Variants in CD96 observed in about 807,000 individuals in gnomAD.
CD96 encodes the protein CD96 molecule, also known as T-cell surface protein tactile.
In CD96, 70 loss-of-function variants were observed where a neutral mutation model predicts 71.3. The ratio of observed to expected loss-of-function variants is 0.98; its 90% CI spans 0.81 to 1.20. The LOEUF is 1.20. CD96 is among the 50% of genes most tolerant of loss of function. The pLI, the probability that CD96 is intolerant of heterozygous loss-of-function variation, is 0.00. For synonymous variants in CD96, 248 were observed against 233.0 expected (o/e 1.06, Z -0.59); for missense variants, 742 against 677.5 (o/e 1.10, Z -1.06).
intron 3 of CD96, among the ~76,000 whole-genome samples, chr3:111,568,973 G>T (rs1359838025): frequency 1.3e-5 from 2 of 152,144 alleles, no homozygotes; most frequent in African/African-American, 4.8e-5. Context: ...ATTACTGTAT[G>T]TTAATTTTTA....
chr3:111,555,956 A>G (rs1468741583), intron 2 of CD96, among the ~76,000 whole-genome samples: 3 of 152,276 alleles, frequency 2.0e-5, no homozygotes, highest in African/African-American at 7.2e-5. Flanking sequence ...CATTTCTTTC[A>G]ATCCTTTTTC....
chr3:111,612,043 T>C (rs1937970208), intron 8 of CD96, among the ~76,000 whole-genome samples: 1 of 152,202 alleles, frequency 6.6e-6, no homozygotes, highest in Non-Finnish European at 1.5e-5. Context: ...ATGTCACTAC[T>C]GTGTTTAAAC....
chr3:111,627,708 TC>T (rs2107724124), intron 10 of CD96, among the ~76,000 whole-genome samples: 1 of 152,346 alleles, frequency 6.6e-6, no homozygotes, highest in Non-Finnish European at 1.5e-5. Flanking sequence ...CTGGGTGAGA[TC>T]TTCCAACTGG....
rs1017144472 is a variant in CD96, at chr3:111,579,228, G to T, written c.745G>T (p.Val249Phe). ...KILRSSTTVKVFAKPEIPVIV... is the reference protein window; with the variant it reads ...KILRSSTTVKFFAKPEIPVIV... ...CTTGAGGAGCTCCACCACAGTCAAG[G>T]TTTTTGGTAAGGGCTTTTGTTCTAC... The change falls in exon 4 of 14, where the codon GTT (valine) becomes TTT (phenylalanine). Residue 249 changes from valine to phenylalanine, a missense_variant. By Grantham distance (50) the Val-to-Phe change is conservative. Transcript: ENST00000352690. 5.1e-6 allele frequency: 8 copies of T among 1,576,874 alleles called. No homozygotes were observed. The highest frequency in any genetic ancestry group is 7.0e-6 in the Non-Finnish European group (8 of 1,146,020).
At chr3:111,634,369 T>C (rs1391602279) in intron 10 of CD96, 1 of 152,216 alleles carries the variant, frequency 6.6e-6, no homozygotes, top group African/African-American at 2.4e-5. Context: ...AGGAAGGATA[T>C]AATAATTTAC....
intron 8 of CD96, among the ~76,000 whole-genome samples, chr3:111,616,804 G>A (rs970878598): frequency 6.6e-6 from 1 of 152,134 alleles, no homozygotes; most frequent in African/African-American, 2.4e-5. Context: ...GAGGGAGCCT[G>A]CCCCCTACTG....
intron 7 of CD96, among the ~76,000 whole-genome samples, chr3:111,603,325 T>A (rs561699346): frequency 6.6e-6 from 1 of 152,006 alleles, no homozygotes; most frequent in Non-Finnish European, 1.5e-5. Context: ...ACATCATTAG[T>A]CCCTGTTACC....
At chr3:111,612,321 C>A (rs781009851) in intron 8 of CD96, among the ~76,000 whole-genome samples, 34 of 152,172 alleles carry the variant, frequency 2.2e-4, no homozygotes, top group Non-Finnish European at 4.4e-4. Flanking sequence ...CAGAGGCTCA[C>A]CAGGATTGTC....
At chr3:111,665,111 G>A (rs1417660951) in intron 14 of CD96, among the ~76,000 whole-genome samples, 2 of 152,064 alleles carry the variant, frequency 1.3e-5, no homozygotes, top group African/African-American at 4.8e-5. Context: ...AGAGATGGAA[G>A]CAAATGACAA....
At chr3:111,609,951 G>C (rs1278564736) in intron 8 of CD96, among the ~76,000 whole-genome samples, 1 of 152,106 alleles carries the variant, frequency 6.6e-6, no homozygotes, top group Non-Finnish European at 1.5e-5. Flanking sequence ...TAGAGGCCTG[G>C]GATGCTGCTA....
intron 7 of CD96, 97 bp downstream of exon 7, chr3:111,601,011 T>A: frequency 1.2e-6 from 1 of 800,666 alleles, no homozygotes; most frequent in Non-Finnish European, 2.1e-6. Flanking sequence ...CATAACGTTT[T>A]AATCTCAGAA....
chr3:111,636,782 C>G (rs1201449510), intron 10 of CD96, among the ~76,000 whole-genome samples: 1 of 152,188 alleles, frequency 6.6e-6, no homozygotes, highest in Admixed American at 6.5e-5. Flanking sequence ...TTTTCGTCCC[C>G]TATGCATGTT....
intron 2 of CD96, among the ~76,000 whole-genome samples, chr3:111,550,484 A>G (rs2107479417): frequency 6.6e-6 from 1 of 152,272 alleles, no homozygotes; most frequent in Admixed American, 6.6e-5. Flanking sequence ...GATCTAGTTG[A>G]AAAAGGGTAG....
At chr3:111,607,681 G>A (rs556626305) in intron 8 of CD96, among the ~76,000 whole-genome samples, 9 of 152,256 alleles carry the variant, frequency 5.9e-5, no homozygotes, top group African/African-American at 2.2e-4. Context: ...TCCTTTGGCT[G>A]GTAACCTTTG....
At chr3:111,616,933 A>C (rs985307956) in intron 8 of CD96, among the ~76,000 whole-genome samples, 1 of 152,180 alleles carries the variant, frequency 6.6e-6, no homozygotes, top group African/African-American at 2.4e-5. Context: ...CTGCAGGCTC[A>C]GAAGGGCCTG....
intron 12 of CD96, among the ~76,000 whole-genome samples, chr3:111,644,094 AG>A (rs1939718036): frequency 6.6e-6 from 1 of 152,170 alleles, no homozygotes; most frequent in South Asian, 2.1e-4. Context: ...TATACTATAA[AG>A]CCATAGTCAT....
chr3:111,574,472 G>A (rs1214568870), intron 3 of CD96, among the ~76,000 whole-genome samples: 2 of 152,288 alleles, frequency 1.3e-5, no homozygotes, highest in African/African-American at 4.8e-5. Flanking sequence ...TCAACCTGTA[G>A]TACAAAGATT....
In CD96 at chr3:111,545,317, A is replaced by C. The variant is rs1934335826; in HGVS notation, c.333A>C (p.Ser111=). 1 of 1,614,016 alleles carries C rather than the reference A, an allele frequency of 6.2e-7. No individual in the cohort carries two copies. Among genetic ancestry groups the C allele is most frequent in the African/African-American group, 1.3e-5 (1 of 74,952 alleles). The change falls in exon 2 of 14, where the codon TCA becomes TCC. Residue 111 remains serine (S), a synonymous_variant. Transcript: ENST00000352690. The part of the protein sequence containing the change: ...WTLHLRNMSC[S]VSGRYECMLV... ...TGCACTTAAGGAATATGTCTTGTTC[A>C]GTCAGTGGAAGGTACGAGTGTATGC...
chr3:111,654,587 G>A (rs1940184366), downstream of CD96, among the ~76,000 whole-genome samples: 1 of 152,156 alleles, frequency 6.6e-6, no homozygotes, highest in African/African-American at 2.4e-5. Context: ...TGCACACTCA[G>A]GTTCCTCATA....
Sources: allele counts gnomAD v4.1 joint callset (sites outside exome capture counted in the v4.1 genomes callset), GRCh38; gene constraint gnomAD v4.1.1; transcripts MANE v1.5; gene names NCBI Gene and HGNC (gene_info 2026-07-23, HGNC 2026-07-21).